Variants in SKIC3 observed in about 807,000 individuals in gnomAD.
SKIC3 encodes the protein SKI3 subunit of superkiller complex, also known as superkiller complex protein 3.
At chr5:95,487,313 C>T in the SKIC3 span, among the ~76,000 whole-genome samples, 1 of 152,110 alleles carries the variant, frequency 6.6e-6, no homozygotes, top group Non-Finnish European at 1.5e-5. Context: ...ATATATATCT[C>T]CTATTAGTTC....
the SKIC3 span, among the ~76,000 whole-genome samples, chr5:95,538,875 G>A: frequency 2.2e-3 from 341 of 152,266 alleles, 8 homozygotes; most frequent in South Asian, 0.068. Context: ...TAGTTCAGAA[G>A]TGTAAAGAAA....
the SKIC3 span, among the ~76,000 whole-genome samples, chr5:95,554,191 T>A: frequency 6.6e-6 from 1 of 152,180 alleles, no homozygotes; most frequent in African/African-American, 2.4e-5. Flanking sequence ...TAAACAAATC[T>A]GTTCCTTACT....
At chr5:95,469,776 A>G in the SKIC3 span, 46 of 1,614,072 alleles carry the variant, frequency 2.8e-5, no homozygotes, top group Non-Finnish European at 3.8e-5. Flanking sequence ...AAGATTCTTC[A>G]TACCTTGCCC....
chr5:95,536,920 A>G, the SKIC3 span: 2 of 1,613,574 alleles, frequency 1.2e-6, no homozygotes, highest in African/African-American at 2.7e-5. Context: ...CAGACTCATG[A>G]GGAAACTTGA....
chr5:95,477,510 A>C, the SKIC3 span, among the ~76,000 whole-genome samples: 37 of 152,332 alleles, frequency 2.4e-4, no homozygotes, highest in South Asian at 6.0e-3. Flanking sequence ...TAACAATTTA[A>C]CTTTTAATTA....
chr5:95,518,685 C>G, the SKIC3 span, among the ~76,000 whole-genome samples: 2 of 151,836 alleles, frequency 1.3e-5, no homozygotes, highest in Admixed American at 1.3e-4. Context: ...ATATAAATAC[C>G]ACATTTTCTT....
chr5:95,504,497 C>T, the SKIC3 span, among the ~76,000 whole-genome samples: 1 of 151,750 alleles, frequency 6.6e-6, no homozygotes, highest in Non-Finnish European at 1.5e-5. Flanking sequence ...ATATGGATCT[C>T]TAATTTTTTT....
the SKIC3 span, among the ~76,000 whole-genome samples, chr5:95,521,106 T>C: frequency 6.6e-6 from 1 of 152,024 alleles, no homozygotes; most frequent in Non-Finnish European, 1.5e-5. Flanking sequence ...AAACTTTGGC[T>C]ACAAAAAATG....
the SKIC3 span, chr5:95,482,616 G>T: frequency 6.2e-6 from 10 of 1,613,652 alleles, no homozygotes; most frequent in African/African-American, 2.7e-5. Context: ...GGCTGATCAG[G>T]GTTACTTTTT....
At chr5:95,510,276 C>T in the SKIC3 span, among the ~76,000 whole-genome samples, 3 of 152,198 alleles carry the variant, frequency 2.0e-5, no homozygotes, top group Non-Finnish European at 4.4e-5. Context: ...ATGCTGTCCT[C>T]GTTCATTCCT....
chr5:95,517,013 C>T, the SKIC3 span: 1 of 1,613,542 alleles, frequency 6.2e-7, no homozygotes, highest in African/African-American at 1.3e-5. Flanking sequence ...TCCAAGGTCA[C>T]ACCATGTATT....
At chr5:95,541,698 A>C in the SKIC3 span, 1 of 775,800 alleles carries the variant, frequency 1.3e-6, no homozygotes, top group Non-Finnish European at 2.1e-6. Context: ...AATGTTTGAA[A>C]AAAAAAAAAA....
At chr5:95,489,570 AAGAAG>A in the SKIC3 span, among the ~76,000 whole-genome samples, 15 of 151,956 alleles carry the variant, frequency 9.9e-5, no homozygotes, top group African/African-American at 3.6e-4. Flanking sequence ...CATGCTAACA[AAGAAG>A]AGAAAATAGC....
the SKIC3 span, chr5:95,494,558 A>AT: frequency 1.0e-6 from 1 of 995,882 alleles, no homozygotes; most frequent in Admixed American, 1.9e-5. Context: ...AATTACACAC[A>AT]TTTTTGTCTG....
chr5:95,490,706 G>T, the SKIC3 span, among the ~76,000 whole-genome samples: 2 of 151,942 alleles, frequency 1.3e-5, no homozygotes, highest in South Asian at 4.1e-4. Context: ...CACCATGTTA[G>T]CCAGGATGGT....
chr5:95,524,454 A>G, the SKIC3 span: 1 of 1,612,518 alleles, frequency 6.2e-7, no homozygotes, highest in Non-Finnish European at 8.5e-7. Flanking sequence ...GAATTGTAGC[A>G]CTTGCTTTAC....
chr5:95,503,899 C>G, the SKIC3 span: 1 of 1,613,914 alleles, frequency 6.2e-7, no homozygotes. Context: ...GGGGTGTTGA[C>G]TTAAAAGCCT....
chr5:95,499,285 G>A, the SKIC3 span, among the ~76,000 whole-genome samples: 1 of 152,084 alleles, frequency 6.6e-6, no homozygotes. Flanking sequence ...CCTCCATTTG[G>A]TACTGTATAG....
the SKIC3 span, among the ~76,000 whole-genome samples, chr5:95,530,483 A>G: frequency 6.6e-6 from 1 of 152,314 alleles, no homozygotes; most frequent in East Asian, 1.9e-4. Context: ...GAAACCTGCT[A>G]CTTGCCAGTA....
Sources: gnomAD v4.1 joint callset for allele counts (sites outside exome capture counted in the v4.1 genomes callset) on GRCh38, gnomAD v4.1.1 for gene constraint, MANE v1.5 for transcripts, NCBI Gene and HGNC (gene_info 2026-07-23, HGNC 2026-07-21) for gene names.